Variants in NOP58 observed in about 807,000 individuals in gnomAD.
NOP58 encodes the protein nucleolar protein 58.
Under a neutral mutation model 71.2 loss-of-function variants are expected in NOP58, and 44 were observed. The observed-to-expected ratio is 0.62, with a 90% CI of 0.49 to 0.79. The LOEUF is 0.79. Ranked by LOEUF, NOP58 falls within the 30% of genes least tolerant of loss-of-function variation. NOP58 has a pLI of 0.00. For synonymous variants in NOP58, 228 were observed against 200.3 expected (o/e 1.14, Z -1.17); for missense variants, 538 against 620.2 (o/e 0.87, Z 1.41).
In NOP58 at chr2:202,297,915, A is replaced by G; in HGVS notation, c.1268+9A>G. 1 of 1,538,140 alleles carries G rather than the reference A, an allele frequency of 6.5e-7. No homozygotes were observed. The highest frequency in any genetic ancestry group is 8.8e-7 in the Non-Finnish European group (1 of 1,131,158). ...AAATATGAACACAAAAGGTGAGTAC[A>G]TTTAAGTGAGGATGGGGTGAATAGT... On this transcript the variant is annotated intron_variant, in intron 12 of 14. Coordinates refer to ENST00000264279, the MANE Select transcript of NOP58 (RefSeq NM_015934.5).
intron 8 of NOP58, among the ~76,000 whole-genome samples, chr2:202,292,517 A>C (rs997678689): frequency 1.3e-5 from 2 of 152,162 alleles, no homozygotes; most frequent in Non-Finnish European, 2.9e-5. Flanking sequence ...GGGCCCCTGT[A>C]GTCCCAGCTA....
chr2:202,302,025 A>ATAT (rs1189137027), intron 13 of NOP58, among the ~76,000 whole-genome samples: 1 of 150,120 alleles, frequency 6.7e-6, no homozygotes, highest in Non-Finnish European at 1.5e-5. Context: ...TCTGACATGA[A>ATAT]TATTATTTGG....
chr2:202,268,324 G>A (rs1688451286), intron 1 of NOP58, among the ~76,000 whole-genome samples: 1 of 151,974 alleles, frequency 6.6e-6, no homozygotes, highest in South Asian at 2.1e-4. Context: ...CACAAGGTCA[G>A]GAGTTTGAGA....
intron 1 of NOP58, among the ~76,000 whole-genome samples, 158 bp downstream of exon 1, chr2:202,266,144 T>C (rs900065466): frequency 2.0e-5 from 3 of 152,160 alleles, no homozygotes; most frequent in Admixed American, 2.0e-4. Context: ...AGAGCCATGT[T>C]ACGTGTAACA....
intron 9 of NOP58, among the ~76,000 whole-genome samples, chr2:202,294,976 A>C (rs999031691): frequency 3.9e-5 from 6 of 152,116 alleles, no homozygotes; most frequent in African/African-American, 1.2e-4. Flanking sequence ...AAAAAAAAAA[A>C]AAATGCAAGC....
At chr2:202,277,388 G>T (rs536794895) in intron 2 of NOP58, among the ~76,000 whole-genome samples, 2 of 151,804 alleles carry the variant, frequency 1.3e-5, no homozygotes, top group African/African-American at 4.8e-5. Context: ...TGAGGCAGGA[G>T]AATTGCTTGA....
intron 5 of NOP58, 179 bp downstream of exon 5, chr2:202,284,660 TG>T (rs1210575506): frequency 5.0e-6 from 3 of 598,934 alleles, no homozygotes; most frequent in African/African-American, 1.9e-5. Context: ...AGCTGGTAAG[TG>T]GTAAAGCCAG....
At chr2:202,276,523 C>G (rs1553571101) in intron 2 of NOP58, 1 of 508,758 alleles carries the variant, frequency 2.0e-6, no homozygotes. Flanking sequence ...GATGAATCAA[C>G]TATATGTTTC....
chr2:202,294,224 C>A (rs143590081), intron 9 of NOP58, among the ~76,000 whole-genome samples: 14,902 of 150,340 alleles, frequency 0.099, 924 homozygotes, highest in South Asian at 0.24. Flanking sequence ...GATGCTGAGG[C>A]AGGAGAATTG....
chr2:202,268,143 A>G (rs761609878), intron 1 of NOP58, among the ~76,000 whole-genome samples: 2 of 152,182 alleles, frequency 1.3e-5, no homozygotes, highest in African/African-American at 4.8e-5. Flanking sequence ...TGTAAAATTA[A>G]TATGATATAT....
chr2:202,303,101 T>C lies in NOP58; in HGVS notation c.1539+44T>C, dbSNP rs373019429. 2.6e-6 allele frequency: 4 copies of C among 1,563,440 alleles called. No individual in the cohort carries two copies. In the African/African-American group the frequency reaches 4.1e-5, roughly 16 times the overall value. On this transcript the variant is annotated intron_variant, in intron 14 of 14. Coordinates refer to ENST00000264279, the MANE Select transcript of NOP58 (RefSeq NM_015934.5). ...ATCGGTTTTCACTTGGAGGGGCCAG[T>C]TCTCTATATTTCAATCTATTTTCTA...
chr2:202,276,195 G>A (rs1336922370), intron 2 of NOP58, among the ~76,000 whole-genome samples: 2 of 151,860 alleles, frequency 1.3e-5, no homozygotes, highest in South Asian at 2.1e-4. Context: ...AAAATTAGCC[G>A]GGCGTGGTGG....
intron 4 of NOP58, among the ~76,000 whole-genome samples, chr2:202,283,931 G>C (rs1008206639): frequency 5.9e-5 from 9 of 152,110 alleles, no homozygotes; most frequent in African/African-American, 2.2e-4. Context: ...TGGAAATTAT[G>C]CTTCTTGTCC....
chr2:202,298,126 CT>C (rs1689025449), intron 12 of NOP58, among the ~76,000 whole-genome samples: 1 of 152,030 alleles, frequency 6.6e-6, no homozygotes, highest in Non-Finnish European at 1.5e-5. Flanking sequence ...GTCTTATGTA[CT>C]TTTTTTGTGG....
intron 10 of NOP58, among the ~76,000 whole-genome samples, chr2:202,296,203 C>CTT (rs943849634): frequency 6.8e-6 from 1 of 147,758 alleles, no homozygotes; most frequent in Admixed American, 6.8e-5. Context: ...AGTCACTAAA[C>CTT]TTTTTTTTTT....
chr2:202,273,555 C>A (rs1326754675), intron 1 of NOP58, among the ~76,000 whole-genome samples: 1 of 152,128 alleles, frequency 6.6e-6, no homozygotes, highest in Non-Finnish European at 1.5e-5. Context: ...ATTGTTGTTA[C>A]AACAGTACTA....
At chr2:202,272,891 T>G (rs767466159) in intron 1 of NOP58, among the ~76,000 whole-genome samples, 1 of 152,148 alleles carries the variant, frequency 6.6e-6, no homozygotes, top group Non-Finnish European at 1.5e-5. Context: ...TCCCAACACT[T>G]TGGGAGGCCG....
rs755858955 is a variant in NOP58 at position 202,302,948 on chromosome 2, CAGA to C, written c.1441_1443del (p.Glu481del). ...GAAGAAGAGGAAGAAGAAAAAGTGG[CAGA>C]AGAAGAAGAAACATCTGTGAAGAAG... On this transcript the variant is annotated inframe_deletion, in exon 14 of 15. Transcript: ENST00000264279. The C allele has an allele frequency of 3.7e-5, 60 of 1,604,822 alleles. No individual in the cohort carries two copies. Among genetic ancestry groups the C allele is most frequent in the East Asian group, 1.8e-4 (8 of 44,804 alleles).
chr2:202,290,145 G>A (rs1160479266), intron 6 of NOP58, among the ~76,000 whole-genome samples, 178 bp from the exon 7 acceptor site: 4 of 151,924 alleles, frequency 2.6e-5, no homozygotes, highest in African/African-American at 4.8e-5. Context: ...TAATAGAGAT[G>A]GGGTTTCACC....
Sources: gnomAD v4.1 joint callset for allele counts (sites outside exome capture counted in the v4.1 genomes callset) on GRCh38, gnomAD v4.1.1 for gene constraint, MANE v1.5 for transcripts, NCBI Gene and HGNC (gene_info 2026-07-23, HGNC 2026-07-21) for gene names.